Variants in PAPPA2 observed in about 807,000 individuals in gnomAD.
PAPPA2 encodes the protein pappalysin-2.
In PAPPA2, 86 loss-of-function variants were observed where a neutral mutation model predicts 176.4. The ratio of observed to expected loss-of-function variants is 0.49; its 90% CI spans 0.41 to 0.58. The LOEUF (loss-of-function observed/expected upper bound fraction) is 0.58. Ranked by LOEUF, PAPPA2 falls within the 20% of genes least tolerant of loss-of-function variation. The probability of loss-of-function intolerance (pLI) is 0.00; values close to 1 mark genes in which losing one functional copy is unlikely to be tolerated. For missense variants in PAPPA2, 2,073 were observed against 2,256.9 expected, an observed-to-expected ratio of 0.92 and a Z score of 1.65; for synonymous variants, 809 against 852.2, an observed-to-expected ratio of 0.95 and a Z score of 0.88.
intron 1 of PAPPA2, among the ~76,000 whole-genome samples, chr1:176,470,567 A>G (rs765418251): frequency 1.3e-5 from 2 of 152,190 alleles, no homozygotes; most frequent in Non-Finnish European, 2.9e-5. Flanking sequence ...TCTAGGCTGC[A>G]TGGAACACTC....
chr1:176,701,499 A>G (rs1020240210), intron 8 of PAPPA2, among the ~76,000 whole-genome samples: 7 of 152,328 alleles, frequency 4.6e-5, no homozygotes, highest in Admixed American at 3.3e-4. Context: ...ATGTGGGGGT[A>G]ACTAATTTGG....
rs1001525701 is a variant in PAPPA2 at position 176,810,605 on chromosome 1, G to A, written c.5202+10473G>A. Among the ~76,000 whole-genome samples the A allele has an allele frequency of 3.3e-5, 5 of 152,310 alleles. No homozygotes were observed. The East Asian group carries it at 9.7e-4, about 29-fold the overall frequency. ...GCTCTTCCACCACTCACCTCCTGCTGTGTGGCCCGGTTCTAACAGGCAGCA... is the reference window on the plus strand; with the variant it reads ...GCTCTTCCACCACTCACCTCCTGCTATGTGGCCCGGTTCTAACAGGCAGCA... On this transcript the variant is annotated intron_variant, in intron 21 of 22. Transcript: ENST00000367662.
intron 17 of PAPPA2, among the ~76,000 whole-genome samples, chr1:176,771,698 T>G (rs1664233133): frequency 6.6e-6 from 1 of 152,206 alleles, no homozygotes; most frequent in South Asian, 2.1e-4. Context: ...ACTCAACTCA[T>G]TTTGGCTATT....
chr1:176,821,100 A>G (rs1571376944), intron 21 of PAPPA2, among the ~76,000 whole-genome samples: 1 of 152,178 alleles, frequency 6.6e-6, no homozygotes, highest in East Asian at 1.9e-4. Flanking sequence ...TTACAAAATT[A>G]TGATCACTGC....
At chr1:176,502,767 C>T (rs1648037089) in intron 1 of PAPPA2, among the ~76,000 whole-genome samples, 1 of 152,092 alleles carries the variant, frequency 6.6e-6, no homozygotes, top group Non-Finnish European at 1.5e-5. Context: ...ATTGGATCTT[C>T]CAAGTTACTT....
chr1:176,720,201 A>T (rs572570884), intron 12 of PAPPA2, among the ~76,000 whole-genome samples: 1 of 152,294 alleles, frequency 6.6e-6, no homozygotes, highest in South Asian at 2.1e-4. Context: ...CTTTTAGGTG[A>T]ATTATCTCTT....
intron 2 of PAPPA2, among the ~76,000 whole-genome samples, chr1:176,578,568 C>T (rs926372562): frequency 1.3e-5 from 2 of 152,138 alleles, no homozygotes; most frequent in Admixed American, 1.3e-4. Context: ...CTCTTGTCAT[C>T]AAGGGACTCT....
At chr1:176,507,658 T>C (rs1648354639) in intron 1 of PAPPA2, among the ~76,000 whole-genome samples, 1 of 152,054 alleles carries the variant, frequency 6.6e-6, no homozygotes, top group Non-Finnish European at 1.5e-5. Context: ...CTGGAGACCA[T>C]AATCCTAAAC....
chr1:176,549,728 C>T (rs536364765), intron 1 of PAPPA2, among the ~76,000 whole-genome samples: 1 of 152,282 alleles, frequency 6.6e-6, no homozygotes, highest in Admixed American at 6.5e-5. Context: ...ACCTAACCAC[C>T]ACCAAGCAAT....
chr1:176,481,992 G>A (rs999431651), intron 1 of PAPPA2, among the ~76,000 whole-genome samples: 1 of 152,120 alleles, frequency 6.6e-6, no homozygotes, highest in African/African-American at 2.4e-5. Flanking sequence ...GATTATAGGT[G>A]TGAACCACCA....
chr1:176,496,312 T>G (rs1647617973), intron 1 of PAPPA2, among the ~76,000 whole-genome samples: 1 of 152,184 alleles, frequency 6.6e-6, no homozygotes, highest in African/African-American at 2.4e-5. Flanking sequence ...TTAATAAATA[T>G]ATATGATTTG....
rs1662579027 is a variant in PAPPA2 at position 176,739,656 on chromosome 1, G to A, written c.3829G>A (p.Ala1277Thr). 1.2e-6 allele frequency: 2 copies of A among 1,613,684 alleles called. No homozygotes were observed. The highest frequency in any genetic ancestry group is 1.7e-6 in the Non-Finnish European group (2 of 1,179,714). Residue 1277 changes from alanine to threonine, a missense_variant, in exon 13 of 23, where the codon GCA becomes ACA. Physicochemically the swap from Ala to Thr is moderately conservative, Grantham distance 58. Around this residue, in one of 4 missense-constraint regions of PAPPA2, gnomAD observed 846 missense variants for 857.9 expected, o/e 0.99. Coordinates refer to ENST00000367662, the MANE Select transcript of PAPPA2 (RefSeq NM_020318.3). ...TTTCAATAGACCAGGAGAGGCCAGA[G>A]CAATTTTTATTTTTTTGACAACTGA... ...VCFNRPGEAR[A>T]IFIFLTTDGL...
chr1:176,548,060 G>C (rs569455804), intron 1 of PAPPA2, among the ~76,000 whole-genome samples: 2 of 152,312 alleles, frequency 1.3e-5, no homozygotes, highest in East Asian at 3.9e-4. Flanking sequence ...ATACATTAGA[G>C]ATGGTCATAT....
intron 3 of PAPPA2, among the ~76,000 whole-genome samples, chr1:176,612,592 GAA>G (rs1654993603): frequency 6.6e-6 from 1 of 152,098 alleles, no homozygotes; most frequent in South Asian, 2.1e-4. Context: ...TTTACAAGAT[GAA>G]AACAAACAGC....
At chr1:176,623,897 G>A (rs1234662023) in intron 3 of PAPPA2, among the ~76,000 whole-genome samples, 1 of 150,134 alleles carries the variant, frequency 6.7e-6, no homozygotes, top group Non-Finnish European at 1.5e-5. Flanking sequence ...CTGGAGTGCA[G>A]TGGTGTGAAC....
chr1:176,556,551 A>AACT lies in PAPPA2; in HGVS notation c.232_234dup (p.Tyr78dup), dbSNP rs769093601. 4.3e-6 allele frequency: 7 copies of AACT among 1,614,066 alleles called. No homozygotes were observed. In the South Asian group the frequency reaches 7.7e-5, roughly 18 times the overall value. On this transcript the variant is annotated inframe_insertion, in exon 2 of 23. Coordinates refer to ENST00000367662, the MANE Select transcript of PAPPA2 (RefSeq NM_020318.3). ...TGGAGTCTACCCCAGCAGGGCTGGG[A>AACT]ACTACCTAAGGCCCTACCCCGTGGG...
chr1:176,821,223 A>T (rs1340087375), intron 21 of PAPPA2, among the ~76,000 whole-genome samples: 1 of 152,154 alleles, frequency 6.6e-6, no homozygotes. Flanking sequence ...CACAATAGAG[A>T]TAAAAAATAT....
chr1:176,735,021 C>A (rs1662332528), intron 12 of PAPPA2, among the ~76,000 whole-genome samples: 1 of 152,108 alleles, frequency 6.6e-6, no homozygotes, highest in Non-Finnish European at 1.5e-5. Context: ...CAACATAATA[C>A]AGAGCTTAAA....
chr1:176,533,127 C>T (rs1649902513), intron 1 of PAPPA2, among the ~76,000 whole-genome samples: 2 of 152,220 alleles, frequency 1.3e-5, no homozygotes, highest in African/African-American at 4.8e-5. Context: ...CTGCCTGTGT[C>T]CTGCAAAACA....
Sources: gnomAD v4.1 joint callset for allele counts (sites outside exome capture counted in the v4.1 genomes callset) on GRCh38, gnomAD v4.1.1 for gene constraint, gnomAD v4.1.1 regional missense constraint, MANE v1.5 for transcripts, NCBI Gene and HGNC (gene_info 2026-07-23, HGNC 2026-07-21) for gene names.